Variants in RSRC1 observed in about 807,000 individuals in gnomAD.
RSRC1 encodes arginine and serine rich coiled-coil 1, also known as serine/Arginine-related protein 53.
In RSRC1, 39 loss-of-function variants were observed where a neutral mutation model predicts 49.1. The ratio of observed to expected loss-of-function variants is 0.79; its 90% CI spans 0.61 to 1.04. The LOEUF is 1.04. Ranked by LOEUF, RSRC1 falls within the 50% of genes least tolerant of loss-of-function variation. The pLI, the probability that RSRC1 is intolerant of heterozygous loss-of-function variation, is 0.00. For synonymous variants in RSRC1, 143 were observed against 130.8 expected (o/e 1.09, Z -0.63); for missense variants, 388 against 402.4 (o/e 0.96, Z 0.31).
At chr3:158,461,480 A>G (rs1448174835) in intron 7 of RSRC1, among the ~76,000 whole-genome samples, 2 of 151,956 alleles carry the variant, frequency 1.3e-5, no homozygotes, top group African/African-American at 2.4e-5. Flanking sequence ...AAAAAACAAC[A>G]TTTAGGCCAT....
intron 7 of RSRC1, among the ~76,000 whole-genome samples, chr3:158,518,125 T>C (rs201709589): frequency 0.015 from 696 of 45,888 alleles, 20 homozygotes; most frequent in African/African-American, 0.055. Context: ...TGTGTGTGTG[T>C]GTATATATAT....
chr3:158,369,990 A>G (rs1294752873), intron 6 of RSRC1, among the ~76,000 whole-genome samples: 1 of 151,984 alleles, frequency 6.6e-6, no homozygotes, highest in Non-Finnish European at 1.5e-5. Context: ...AAAATAATAT[A>G]CATGGTGAAT....
At chr3:158,457,669 G>A (rs578051963) in intron 6 of RSRC1, among the ~76,000 whole-genome samples, 271 of 151,904 alleles carry the variant, frequency 1.8e-3, no homozygotes, top group African/African-American at 6.2e-3. Flanking sequence ...AATTAGGAGA[G>A]CATTTCCAGA....
intron 1 of RSRC1, chr3:158,110,629 G>T (rs772654447): frequency 6.6e-6 from 1 of 152,368 alleles, no homozygotes; most frequent in African/African-American, 2.4e-5. Flanking sequence ...GAGGGAGGCT[G>T]GATTCTGGTG....
chr3:158,228,727 G>C (rs148505071), intron 4 of RSRC1, among the ~76,000 whole-genome samples: 231 of 151,746 alleles, frequency 1.5e-3, no homozygotes, highest in African/African-American at 5.2e-3. Context: ...AAATGAAGTA[G>C]ATAGTGTTCT....
At chr3:158,532,866 T>C (rs1179066449) in intron 7 of RSRC1, among the ~76,000 whole-genome samples, 1 of 151,846 alleles carries the variant, frequency 6.6e-6, no homozygotes, top group East Asian at 1.9e-4. Flanking sequence ...TCTTTAATTT[T>C]ACTTCATGGC....
chr3:158,518,830 C>T (rs1711509979), intron 7 of RSRC1, among the ~76,000 whole-genome samples: 2 of 152,110 alleles, frequency 1.3e-5, no homozygotes, highest in Admixed American at 6.5e-5. Context: ...TTTCTACCAG[C>T]GTGACCATTC....
intron 6 of RSRC1, among the ~76,000 whole-genome samples, chr3:158,403,675 A>G (rs1734003595): frequency 6.6e-6 from 1 of 151,808 alleles, no homozygotes; most frequent in Non-Finnish European, 1.5e-5. Flanking sequence ...ATGAAAATTA[A>G]GAAACAATTT....
chr3:158,202,438 CAGT>C (rs1721097089), intron 3 of RSRC1, among the ~76,000 whole-genome samples: 1 of 151,138 alleles, frequency 6.6e-6, no homozygotes, highest in Non-Finnish European at 1.5e-5. Context: ...CTTGCTGTCT[CAGT>C]GGTGGCAGAG....
rs1275750476 is a variant in RSRC1 at position 158,544,209 on chromosome 3, G to C, written c.939G>C (p.Glu313Asp). 1 of 1,612,334 alleles carries C rather than the reference G, an allele frequency of 6.2e-7. No homozygotes were observed. Among genetic ancestry groups the C allele is most frequent in the Non-Finnish European group, 8.5e-7 (1 of 1,179,326 alleles). The change falls in exon 10 of 10, where the codon GAG becomes GAC. Residue 313 changes from glutamate (E) to aspartate (D), a missense_variant. Coordinates refer to ENST00000611884, the MANE Select transcript of RSRC1 (RefSeq NM_001271838.2). Reference sequence around the variant, plus strand: ...TATTTATCGAGAAAGCTGATGCTGAGGAAAAATGGTTCAAGAGATTAATTG... The same window carrying C: ...TATTTATCGAGAAAGCTGATGCTGACGAAAAATGGTTCAAGAGATTAATTG... ...PNLFIEKADAEEKWFKRLIAL... is the reference protein window; with the variant it reads ...PNLFIEKADADEKWFKRLIAL...
chr3:158,235,619 A>G (rs543709296), intron 4 of RSRC1, among the ~76,000 whole-genome samples: 1 of 147,688 alleles, frequency 6.8e-6, no homozygotes, highest in African/African-American at 2.5e-5. Context: ...AACACTACAG[A>G]ATTTTTACTT....
chr3:158,517,111 TG>T (rs1740603584), intron 7 of RSRC1, among the ~76,000 whole-genome samples: 1 of 152,248 alleles, frequency 6.6e-6, no homozygotes, highest in Non-Finnish European at 1.5e-5. Flanking sequence ...TCGGCCATCT[TG>T]GCTCCTCCCT....
At chr3:158,428,712 A>G (rs1684259202) in intron 6 of RSRC1, among the ~76,000 whole-genome samples, 1 of 151,886 alleles carries the variant, frequency 6.6e-6, no homozygotes, top group South Asian at 2.1e-4. Flanking sequence ...CTAGAAAGCA[A>G]AAATCTACAT....
intron 3 of RSRC1, among the ~76,000 whole-genome samples, chr3:158,159,065 T>G (rs1718054520): frequency 6.6e-6 from 1 of 152,018 alleles, no homozygotes; most frequent in South Asian, 2.1e-4. Flanking sequence ...TATAGAGGAG[T>G]AACTGCCCAG....
chr3:158,413,992 C>T (rs937762704), intron 6 of RSRC1, among the ~76,000 whole-genome samples: 4 of 152,080 alleles, frequency 2.6e-5, no homozygotes, highest in South Asian at 2.1e-4. Flanking sequence ...TGGAATTATA[C>T]TCAAAGGAAT....
intron 4 of RSRC1, among the ~76,000 whole-genome samples, chr3:158,209,732 T>G (rs1181297204): frequency 6.6e-6 from 1 of 152,152 alleles, no homozygotes; most frequent in Non-Finnish European, 1.5e-5. Flanking sequence ...TTTTTCTTTG[T>G]ATAATTTTCA....
intron 4 of RSRC1, among the ~76,000 whole-genome samples, chr3:158,252,218 G>T (rs1006930796): frequency 6.6e-6 from 1 of 151,272 alleles, no homozygotes; most frequent in Non-Finnish European, 1.5e-5. Flanking sequence ...CTGGAGTGCA[G>T]TGGCATGATC....
intron 4 of RSRC1, among the ~76,000 whole-genome samples, chr3:158,231,018 T>C (rs1301653474): frequency 2.6e-5 from 4 of 152,106 alleles, no homozygotes; most frequent in Non-Finnish European, 5.9e-5. Context: ...AAAATTCCAG[T>C]CTCCTTTAGA....
At chr3:158,146,274 A>G (rs186825147) in intron 3 of RSRC1, among the ~76,000 whole-genome samples, 1 of 152,144 alleles carries the variant, frequency 6.6e-6, no homozygotes, top group African/African-American at 2.4e-5. Flanking sequence ...TTTGTCATTA[A>G]TAGCTCTTAT....
Sources: allele counts gnomAD v4.1 joint callset (sites outside exome capture counted in the v4.1 genomes callset), GRCh38; gene constraint gnomAD v4.1.1; transcripts MANE v1.5; gene names NCBI Gene and HGNC (gene_info 2026-07-23, HGNC 2026-07-21).